The following COP1 variants were observed in gnomAD, a reference collection of about 807,000 sequenced individuals.
COP1 encodes the protein E3 ubiquitin-protein ligase COP1.
A neutral mutation model predicts 101.3 loss-of-function variants in COP1; 24 were observed. The observed-to-expected ratio is 0.24, with a 90% CI of 0.17 to 0.33. The LOEUF (loss-of-function observed/expected upper bound fraction) is 0.33. Among genes scored for constraint, COP1 ranks in the 10% least tolerant of loss-of-function variants. COP1 has a pLI of 1.00. For missense variants in COP1, 663 were observed against 906.2 expected (o/e 0.73, Z 3.45); for synonymous variants, 347 against 341.9 (o/e 1.01, Z -0.17).
chr1:176,045,870 A>G (rs1158923049), intron 12 of COP1, among the ~76,000 whole-genome samples: 1 of 151,948 alleles, frequency 6.6e-6, no homozygotes, highest in African/African-American at 2.4e-5. Context: ...CATAAGCTAC[A>G]TTAATCCTCA....
chr1:176,101,791 G>A (rs773211981), intron 9 of COP1, among the ~76,000 whole-genome samples: 10 of 152,166 alleles, frequency 6.6e-5, no homozygotes, highest in Non-Finnish European at 1.3e-4. Context: ...TGCAACCGAA[G>A]CCTCAGATGA....
intron 18 of COP1, chr1:175,968,519 G>A (rs1179248401): frequency 1.9e-6 from 1 of 518,388 alleles, no homozygotes; most frequent in East Asian, 5.5e-5. Context: ...TGTCCACATG[G>A]CTGGTTCCAG....
chr1:176,166,594 A>G (rs991040868), intron 3 of COP1, among the ~76,000 whole-genome samples: 2 of 152,140 alleles, frequency 1.3e-5, no homozygotes, highest in Admixed American at 1.3e-4. Context: ...ACTGTATCAG[A>G]TTTTTCATGG....
In COP1 at chr1:176,178,447, C is replaced by A. The variant is rs200929415; in HGVS notation, c.468-2440G>T. On this transcript the variant is annotated intron_variant, in intron 2 of 19. Transcript: ENST00000367669. ...CTGAGGTTGCAGTGGGCAGAGATTG[C>A]ATCACTACACTCCAGCCTGAGGGAC... 2.0e-5 allele frequency among the ~76,000 whole-genome samples: 3 copies of A among 151,944 alleles called. No individual in the cohort carries two copies. In the East Asian group the frequency reaches 5.8e-4, roughly 29 times the overall value.
chr1:176,100,650 T>C (rs931766472), intron 9 of COP1, among the ~76,000 whole-genome samples: 3 of 152,136 alleles, frequency 2.0e-5, no homozygotes, highest in African/African-American at 7.2e-5. Flanking sequence ...ATAAACAGAA[T>C]GCCCGTCACT....
At chr1:176,067,199 T>C (rs1318967477) in intron 11 of COP1, among the ~76,000 whole-genome samples, 1 of 152,110 alleles carries the variant, frequency 6.6e-6, no homozygotes, top group East Asian at 1.9e-4. Context: ...TCAATGTAGG[T>C]ACAAATTGTA....
At chr1:176,007,657 G>C (rs1275390461) in intron 15 of COP1, among the ~76,000 whole-genome samples, 4 of 151,996 alleles carry the variant, frequency 2.6e-5, no homozygotes, top group Non-Finnish European at 5.9e-5. Flanking sequence ...AGGCTGCTCA[G>C]GGGTCAGGGG....
chr1:176,091,638 A>T (rs1681336652), intron 9 of COP1, among the ~76,000 whole-genome samples: 1 of 152,186 alleles, frequency 6.6e-6, no homozygotes, highest in Non-Finnish European at 1.5e-5. Context: ...TACTCTGCTT[A>T]GATGATAAGT....
chr1:176,161,381 G>C (rs1287919751), intron 5 of COP1, among the ~76,000 whole-genome samples: 1 of 152,078 alleles, frequency 6.6e-6, no homozygotes, highest in Non-Finnish European at 1.5e-5. Context: ...TTGAAGCCAA[G>C]AGTTTGAGAC....
intron 9 of COP1, among the ~76,000 whole-genome samples, chr1:176,101,212 C>A (rs146269841): frequency 1.3e-5 from 2 of 151,766 alleles, no homozygotes; most frequent in African/African-American, 4.8e-5. Flanking sequence ...CCTATCGTGG[C>A]TGGTGGGACT....
chr1:176,043,767 A>G lies in COP1; in HGVS notation c.1473T>C (p.Tyr491=). ...YHKNLLASSD[Y]EGTVILWDGF... ...CATCCCATAAAATAACAGTGCCTTC[A>G]TAATCACTGCTAGCTAACAGGTTCT... Residue 491 remains tyrosine (Y), a synonymous_variant, in exon 13 of 20, where the codon TAT becomes TAC. Transcript: ENST00000367669. 1.9e-6 allele frequency: 3 copies of G among 1,612,540 alleles called. No homozygotes were observed. Among genetic ancestry groups the G allele is most frequent in the Non-Finnish European group, 2.5e-6 (3 of 1,178,666 alleles).
intron 17 of COP1, among the ~76,000 whole-genome samples, chr1:175,987,606 C>T (rs528294318): frequency 1.3e-5 from 2 of 152,212 alleles, no homozygotes; most frequent in African/African-American, 4.8e-5. Context: ...TATTAATGGT[C>T]TATGAACTGT....
At chr1:176,101,884 AG>A (rs1400186309) in intron 9 of COP1, among the ~76,000 whole-genome samples, 1 of 152,190 alleles carries the variant, frequency 6.6e-6, no homozygotes, top group African/African-American at 2.4e-5. Flanking sequence ...CCCTGTCAGC[AG>A]GAAGCAGTTA....
rs752305281 is a variant in COP1 at position 176,135,020 on chromosome 1, GAGA to G, written c.955_957del (p.Ser319del). On this transcript the variant is annotated inframe_deletion, in exon 8 of 20. Transcript: ENST00000367669. The stretch of plus-strand genomic sequence containing the variant: ...GTGTGAAGCTTGTACCTGTGTGATG[GAGA>G]AGGAGCTTCAAATTGAGGCACTGTG... The G allele has an allele frequency of 1.2e-6, 2 of 1,608,928 alleles. No homozygotes were observed. The highest frequency in any genetic ancestry group is 1.7e-6 in the Non-Finnish European group (2 of 1,175,816).
chr1:176,098,601 A>G (rs560081278), intron 9 of COP1, among the ~76,000 whole-genome samples: 13 of 152,360 alleles, frequency 8.5e-5, no homozygotes, highest in African/African-American at 2.9e-4. Context: ...GTTTTTCTGT[A>G]AACTAAGCAT....
At chr1:176,117,788 G>C (rs1686456160) in intron 8 of COP1, among the ~76,000 whole-genome samples, 1 of 152,052 alleles carries the variant, frequency 6.6e-6, no homozygotes, top group Non-Finnish European at 1.5e-5. Context: ...CTAGCTACTT[G>C]GGAGGCTGAG....
chr1:176,068,242 GCTTTCTTC>G (rs1163389632), intron 11 of COP1, among the ~76,000 whole-genome samples: 1 of 151,958 alleles, frequency 6.6e-6, no homozygotes, highest in African/African-American at 2.4e-5. Context: ...CTCCCTGCCT[GCTTTCTTC>G]CTTTCTTCCC....
chr1:175,979,426 C>T (rs1655297987), intron 18 of COP1, among the ~76,000 whole-genome samples: 1 of 150,624 alleles, frequency 6.6e-6, no homozygotes, highest in African/African-American at 2.4e-5. Context: ...TTACATACCC[C>T]AAGAAAATGT....
chr1:176,105,489 C>T (rs1684156098), intron 9 of COP1, among the ~76,000 whole-genome samples: 1 of 152,102 alleles, frequency 6.6e-6, no homozygotes, highest in African/African-American at 2.4e-5. Context: ...AATTTTCATG[C>T]TAACTTTTGT....
Sources: allele counts gnomAD v4.1 joint callset (sites outside exome capture counted in the v4.1 genomes callset), GRCh38; gene constraint gnomAD v4.1.1; transcripts MANE v1.5; gene names NCBI Gene and HGNC (gene_info 2026-07-23, HGNC 2026-07-21).